Variants in ZNF385D observed in about 807,000 individuals in gnomAD.
ZNF385D encodes the protein zinc finger protein 659.
A neutral mutation model predicts 35.8 loss-of-function variants in ZNF385D; 15 were observed. The observed-to-expected ratio is 0.42, with a 90% CI of 0.28 to 0.64. The LOEUF (loss-of-function observed/expected upper bound fraction) is 0.64. Ranked by LOEUF, ZNF385D falls within the 30% of genes least tolerant of loss-of-function variation. The pLI, the probability that ZNF385D is intolerant of heterozygous loss-of-function variation, is 0.23. For synonymous variants in ZNF385D, 212 were observed against 186.8 expected, an observed-to-expected ratio of 1.13 and a Z score of -1.10; for missense variants, 474 against 494.6, an observed-to-expected ratio of 0.96 and a Z score of 0.39.
At chr3:22,245,073 C>G (rs1020103997) in intron 2 of ZNF385D, among the ~76,000 whole-genome samples, 3 of 152,060 alleles carry the variant, frequency 2.0e-5, no homozygotes, top group African/African-American at 7.2e-5. Context: ...CTGTATAAGT[C>G]TTCATTCAAT....
At chr3:22,199,236 T>A (rs1559446861) in intron 2 of ZNF385D, among the ~76,000 whole-genome samples, 1 of 152,142 alleles carries the variant, frequency 6.6e-6, no homozygotes, top group African/African-American at 2.4e-5. Flanking sequence ...TTTGTTTCAC[T>A]AAGCTATAAT....
chr3:21,959,209 T>A (rs565145744), intron 3 of ZNF385D, among the ~76,000 whole-genome samples: 2 of 152,282 alleles, frequency 1.3e-5, no homozygotes, highest in South Asian at 4.1e-4. Flanking sequence ...TGGTTAGAGA[T>A]CTATTTAAAT....
chr3:21,699,823 CTTTTTT>C (rs1006362754), intron 1 of ZNF385D, among the ~76,000 whole-genome samples: 2 of 88,908 alleles, frequency 2.2e-5, no homozygotes, highest in Admixed American at 1.4e-4. Context: ...GTTTCTTTTC[CTTTTTT>C]TTTTTTTTTT....
intron 2 of ZNF385D, among the ~76,000 whole-genome samples, chr3:22,351,465 G>C (rs987045896): frequency 6.6e-6 from 1 of 151,986 alleles, no homozygotes; most frequent in East Asian, 1.9e-4. Context: ...TGAAATACTT[G>C]GCCCAGCTGT....
Position 22,162,744 on chromosome 3 carries a change from T to C in ZNF385D, c.325+6073A>G, listed in dbSNP as rs140666353. Among the ~76,000 whole-genome samples the C allele has an allele frequency of 4.2e-4, 64 of 152,340 alleles. No individual in the cohort carries two copies. The East Asian group carries it at 0.012, about 29-fold the overall frequency. On this transcript the variant is annotated intron_variant, in intron 3 of 5. Transcript: ENST00000494108. Reference sequence around the variant, plus strand: ...TTTGTATGCCTCCCAGGCTTATGCATGTTAATACATTTGTATATCTTTTAA... The same window carrying C: ...TTTGTATGCCTCCCAGGCTTATGCACGTTAATACATTTGTATATCTTTTAA...
chr3:22,077,728 C>T (rs988859191), intron 3 of ZNF385D, among the ~76,000 whole-genome samples: 1 of 151,982 alleles, frequency 6.6e-6, no homozygotes, highest in Non-Finnish European at 1.5e-5. Context: ...GCAGTTGTAG[C>T]TGCCTACATA....
intron 4 of ZNF385D, among the ~76,000 whole-genome samples, chr3:21,478,571 G>T (rs1256360583): frequency 6.6e-6 from 1 of 152,092 alleles, no homozygotes; most frequent in Non-Finnish European, 1.5e-5. Context: ...CTGAGATTGG[G>T]AGTCATCTAT....
At chr3:21,641,472 T>C (rs2065603960) in intron 2 of ZNF385D, among the ~76,000 whole-genome samples, 1 of 151,926 alleles carries the variant, frequency 6.6e-6, no homozygotes, top group Non-Finnish European at 1.5e-5. Context: ...TCAAAGGTTA[T>C]ATTCCTCTAT....
intron 2 of ZNF385D, among the ~76,000 whole-genome samples, chr3:22,269,195 C>A (rs1172392053): frequency 6.6e-6 from 1 of 151,894 alleles, no homozygotes; most frequent in African/African-American, 2.4e-5. Context: ...ATTCTTATAT[C>A]CCCAGCACTA....
intron 3 of ZNF385D, among the ~76,000 whole-genome samples, chr3:21,777,446 C>T (rs1198809742): frequency 6.6e-6 from 1 of 151,932 alleles, no homozygotes; most frequent in Non-Finnish European, 1.5e-5. Flanking sequence ...TCAGCACCAA[C>T]TTAGTTGACA....
intron 3 of ZNF385D, among the ~76,000 whole-genome samples, chr3:21,909,120 C>T (rs1303993009): frequency 6.6e-6 from 1 of 152,002 alleles, no homozygotes; most frequent in African/African-American, 2.4e-5. Flanking sequence ...CACAGATGTT[C>T]AATTTCTTTA....
chr3:21,555,618 G>T (rs1389987477), intron 3 of ZNF385D, among the ~76,000 whole-genome samples: 1 of 152,104 alleles, frequency 6.6e-6, no homozygotes, highest in Non-Finnish European at 1.5e-5. Context: ...TATCACTGAT[G>T]GGCATTTGGG....
intron 2 of ZNF385D, among the ~76,000 whole-genome samples, chr3:22,173,929 G>C (rs1694639231): frequency 6.6e-6 from 1 of 151,796 alleles, no homozygotes. Flanking sequence ...CTGAATAACT[G>C]GGCTACCAAC....
intron 3 of ZNF385D, among the ~76,000 whole-genome samples, chr3:22,118,365 A>C (rs1241775168): frequency 6.6e-6 from 1 of 152,126 alleles, no homozygotes; most frequent in Non-Finnish European, 1.5e-5. Context: ...GAAATCTTAG[A>C]AAACTGTAAA....
intron 3 of ZNF385D, among the ~76,000 whole-genome samples, chr3:21,797,432 T>G (rs917587335): frequency 6.6e-6 from 1 of 152,202 alleles, no homozygotes; most frequent in African/African-American, 2.4e-5. Context: ...GTTTGGTGGT[T>G]TCTTACAAAA....
intron 1 of ZNF385D, among the ~76,000 whole-genome samples, chr3:21,730,711 G>C (rs2068956627): frequency 1.3e-5 from 2 of 152,212 alleles, no homozygotes; most frequent in Non-Finnish European, 2.9e-5. Flanking sequence ...TTTCTTTTTA[G>C]AAATGTACTT....
intron 2 of ZNF385D, among the ~76,000 whole-genome samples, chr3:21,664,679 A>T (rs1247412117): frequency 6.6e-6 from 1 of 152,178 alleles, no homozygotes; most frequent in Non-Finnish European, 1.5e-5. Flanking sequence ...ACCGAATCGG[A>T]TCGAATCTCT....
At chr3:21,490,317 C>G (rs1427993701) in intron 4 of ZNF385D, among the ~76,000 whole-genome samples, 1 of 152,108 alleles carries the variant, frequency 6.6e-6, no homozygotes, top group Non-Finnish European at 1.5e-5. Flanking sequence ...AGGTGTGTGT[C>G]ACCACGTCTG....
At chr3:22,120,616 G>A (rs988569537) in intron 3 of ZNF385D, among the ~76,000 whole-genome samples, 3 of 152,042 alleles carry the variant, frequency 2.0e-5, no homozygotes. Flanking sequence ...CTCTTTACTA[G>A]CTGCACGATA....
Sources: allele counts gnomAD v4.1 joint callset (sites outside exome capture counted in the v4.1 genomes callset), GRCh38; gene constraint gnomAD v4.1.1; transcripts MANE v1.5; gene names NCBI Gene and HGNC (gene_info 2026-07-23, HGNC 2026-07-21).